Variants in SCIN observed in about 807,000 individuals in gnomAD.
SCIN encodes adseverin.
A neutral mutation model predicts 91.8 loss-of-function variants in SCIN; 91 were observed. That is an observed-to-expected ratio of 0.99 (90% CI 0.84 to 1.18). The LOEUF is 1.18. SCIN is among the 50% of genes most tolerant of loss of function. SCIN has a pLI of 0.00. For synonymous variants in SCIN, 367 were observed against 312.6 expected, an observed-to-expected ratio of 1.17 and a Z score of -1.84; for missense variants, 1,087 against 863.9, an observed-to-expected ratio of 1.26 and a Z score of -3.24.
intron 3 of SCIN, among the ~76,000 whole-genome samples, chr7:12,586,683 A>T (rs544887267): frequency 1.3e-5 from 2 of 152,338 alleles, no homozygotes; most frequent in African/African-American, 4.8e-5. Flanking sequence ...ATCAACATAA[A>T]TATCCATAAA....
chr7:12,625,126 A>G lies in SCIN; in HGVS notation c.876A>G (p.Gln292=), dbSNP rs776205609. The change falls in exon 6 of 16, where the codon CAA becomes CAG. Residue 292 remains glutamine, a synonymous_variant. Transcript: ENST00000297029. Reference sequence around the variant, plus strand: ...TTTTGGACCACGGGGCTGCCAAACAAATTTTCGTATGGAAAGGTAAAAAAT... The same window carrying G: ...TTTTGGACCACGGGGCTGCCAAACAGATTTTCGTATGGAAAGGTAAAAAAT... ...CFILDHGAAK[Q]IFVWKGKDAN... is the part of the protein sequence containing the mutation. 3.1e-6 allele frequency: 5 copies of G among 1,608,978 alleles called. No homozygotes were observed. The South Asian group carries it at 4.5e-5, about 14-fold the overall frequency.
At chr7:12,576,241 G>A (rs151305974) in intron 1 of SCIN, among the ~76,000 whole-genome samples, 1 of 152,224 alleles carries the variant, frequency 6.6e-6, no homozygotes, top group East Asian at 1.9e-4. Flanking sequence ...ATCGGCAGAA[G>A]AATGACACCA....
intron 3 of SCIN, among the ~76,000 whole-genome samples, chr7:12,599,381 G>A (rs1483365533): frequency 2.6e-5 from 4 of 151,528 alleles, no homozygotes; most frequent in African/African-American, 9.7e-5. Flanking sequence ...GTGTGTGTGT[G>A]TGTGTGTGTG....
intron 9 of SCIN, among the ~76,000 whole-genome samples, chr7:12,633,127 G>A (rs988122253): frequency 6.6e-6 from 1 of 152,096 alleles, no homozygotes; most frequent in Non-Finnish European, 1.5e-5. Flanking sequence ...TTTCAATACA[G>A]GGACATAAAC....
chr7:12,630,614 G>T (rs1456050652), intron 9 of SCIN, among the ~76,000 whole-genome samples: 3 of 152,224 alleles, frequency 2.0e-5, no homozygotes, highest in Non-Finnish European at 4.4e-5. Flanking sequence ...TAGCTATTTA[G>T]CTCTGCGATT....
intron 8 of SCIN, 51 bp from the exon 9 acceptor site, chr7:12,629,050 T>C (rs1783589147): frequency 1.4e-6 from 2 of 1,471,852 alleles, no homozygotes; most frequent in East Asian, 2.4e-5. Flanking sequence ...ATGAGAAATA[T>C]TATTAGATCA....
chr7:12,615,697 T>A (rs149949724), intron 4 of SCIN, among the ~76,000 whole-genome samples: 199 of 152,154 alleles, frequency 1.3e-3, no homozygotes, highest in Non-Finnish European at 2.6e-3. Flanking sequence ...GTAATTGAGG[T>A]ACACATTTTT....
chr7:12,589,805 C>A (rs1248965709), intron 3 of SCIN, among the ~76,000 whole-genome samples: 1 of 152,042 alleles, frequency 6.6e-6, no homozygotes. Context: ...GGGAGGTATT[C>A]TCCTAGCTGA....
rs1418829725 is a variant in SCIN, at chr7:12,651,589, C to A, written c.1960-252C>A. 6.6e-6 allele frequency among the ~76,000 whole-genome samples: 1 copy of A among 151,228 alleles called. No individual in the cohort carries two copies. Among genetic ancestry groups the A allele is most frequent in the African/African-American group, 2.4e-5 (1 of 41,102 alleles). ...AGATCACTTTACAAACTAGAAAGTA[C>A]CATGTAAACATAAAATATCCAAGTG... is the stretch of plus-strand genomic sequence containing the variant. On this transcript the variant is annotated intron_variant, in intron 14 of 15. Coordinates refer to ENST00000297029, the MANE Select transcript of SCIN (RefSeq NM_001112706.3). This position sits in a 1 kb window ranked among gnomAD's most constrained non-coding sequence, Gnocchi z 5.9.
chr7:12,613,195 T>C lies in SCIN; in HGVS notation c.666+8532T>C, dbSNP rs1583299408. ...AGTGTTCCACTTGTCACAATAGTGA[T>C]AATATATTTAAAAAAAACTAACAGA... On this transcript the variant is annotated intron_variant, in intron 4 of 15. Coordinates refer to ENST00000297029, the MANE Select transcript of SCIN (RefSeq NM_001112706.3). Among the ~76,000 whole-genome samples, 2 of 152,144 alleles carry C rather than the reference T, an allele frequency of 1.3e-5. 1 individual carries two copies. Among genetic ancestry groups the C allele is most frequent in the South Asian group, 4.1e-4 (2 of 4,830 alleles).
intron 8 of SCIN, among the ~76,000 whole-genome samples, chr7:12,627,911 A>G (rs1268016372): frequency 2.0e-5 from 3 of 151,992 alleles, no homozygotes; most frequent in African/African-American, 4.8e-5. Context: ...TCTGCTCACT[A>G]GGATAGTATG....
chr7:12,615,158 G>C (rs1034707216), intron 4 of SCIN, among the ~76,000 whole-genome samples: 1 of 152,146 alleles, frequency 6.6e-6, no homozygotes, highest in African/African-American at 2.4e-5. Context: ...AGAAATGTTT[G>C]ATAATTATGC....
chr7:12,602,038 T>C (rs1782968363), intron 3 of SCIN, among the ~76,000 whole-genome samples: 1 of 152,106 alleles, frequency 6.6e-6, no homozygotes, highest in African/African-American at 2.4e-5. Flanking sequence ...AAGCCCCAGG[T>C]TGGGAGCCAG....
chr7:12,587,935 A>G (rs3807863), intron 3 of SCIN, among the ~76,000 whole-genome samples: 86,329 of 152,068 alleles, frequency 0.57, 25,266 homozygotes, highest in African/African-American at 0.72. Flanking sequence ...TAAGATGCAA[A>G]ACCAGCTTTC....
At chr7:12,620,156 A>G (rs1783378401) in intron 4 of SCIN, among the ~76,000 whole-genome samples, 1 of 152,052 alleles carries the variant, frequency 6.6e-6, no homozygotes, top group Non-Finnish European at 1.5e-5. Context: ...TGAAATGATT[A>G]CCACAATCAA....
At chr7:12,603,896 C>T (rs1783016249) in intron 3 of SCIN, among the ~76,000 whole-genome samples, 1 of 95,740 alleles carries the variant, frequency 1.0e-5, no homozygotes, top group Non-Finnish European at 2.2e-5. Context: ...CAACGAAAAC[C>T]CTTATATGTG....
At chr7:12,626,862 G>C (rs961161818) in intron 8 of SCIN, 63 bp downstream of exon 8, 3 of 1,396,904 alleles carry the variant, frequency 2.1e-6, no homozygotes, top group African/African-American at 2.9e-5. Flanking sequence ...GGGAGGGTGG[G>C]GGAGATCACT....
chr7:12,621,884 C>T lies in SCIN; in HGVS notation c.667-917C>T, dbSNP rs1050707358. On this transcript the variant is annotated intron_variant, in intron 4 of 15. Coordinates refer to ENST00000297029, the MANE Select transcript of SCIN (RefSeq NM_001112706.3). ...GTATTTTGCAGTACACATTTTTATG[C>T]AATATATTGTAAGGAATAGCGAATA... 2.6e-5 allele frequency among the ~76,000 whole-genome samples: 4 copies of T among 151,576 alleles called. No homozygotes were observed. The East Asian group carries it at 7.8e-4, about 29-fold the overall frequency.
chr7:12,645,479 A>G (rs1783946812), intron 13 of SCIN, among the ~76,000 whole-genome samples: 1 of 152,158 alleles, frequency 6.6e-6, no homozygotes, highest in Admixed American at 6.5e-5. Context: ...TTTGCTCTAC[A>G]CAGGGTATTT....
Sources: gnomAD v4.1 joint callset for allele counts (sites outside exome capture counted in the v4.1 genomes callset) on GRCh38, gnomAD v4.1.1 for gene constraint, Gnocchi (gnomAD v3.1) non-coding constraint, MANE v1.5 for transcripts, NCBI Gene and HGNC (gene_info 2026-07-23, HGNC 2026-07-21) for gene names.